LOXHD1: variants seen among roughly 807,000 people sequenced by gnomAD.
LOXHD1 encodes lipoxygenase homology PLAT domains 1.
A neutral mutation model predicts 248.2 loss-of-function variants in LOXHD1; 205 were observed. That is an observed-to-expected ratio of 0.83 (90% CI 0.74 to 0.93). The LOEUF (loss-of-function observed/expected upper bound fraction) is 0.93. LOXHD1 is among the 40% of genes least tolerant of loss of function. LOXHD1 has a pLI of 0.00. For missense variants in LOXHD1, 2,930 were observed against 2,971.6 expected (o/e 0.99, Z 0.33); for synonymous variants, 1,113 against 1,162.8 (o/e 0.96, Z 0.87).
chr18:46,557,386 A>G lies in LOXHD1; in HGVS notation c.3320T>C (p.Ile1107Thr). The G allele has an allele frequency of 1.9e-6, 3 of 1,552,258 alleles. No individual in the cohort carries two copies. Among genetic ancestry groups the G allele is most frequent in the Non-Finnish European group, 2.6e-6 (3 of 1,147,144 alleles). ...GNRAGWFLDR[I>T]DITDMNNEIT... Reference sequence around the variant, plus strand: ...CTCGTTGTTCATGTCAGTAATGTCTATTCTGTCCAGGAACCAGCCTGCTCT... The same window carrying G: ...CTCGTTGTTCATGTCAGTAATGTCTGTTCTGTCCAGGAACCAGCCTGCTCT... The change falls in exon 21 of 41, where the codon ATA becomes ACA. Residue 1107 changes from isoleucine to threonine, a missense_variant. By Grantham distance (89) the Ile-to-Thr change is moderately conservative. Coordinates refer to ENST00000642948, the MANE Select transcript of LOXHD1 (RefSeq NM_001384474.1).
At chr18:46,547,302 C>T (rs1025210552) in intron 21 of LOXHD1, among the ~76,000 whole-genome samples, 1 of 152,126 alleles carries the variant, frequency 6.6e-6, no homozygotes, top group South Asian at 2.1e-4. Context: ...ATGTGACCTG[C>T]CTGGAGCACA....
At chr18:46,611,610 A>G (rs998149134) in intron 5 of LOXHD1, among the ~76,000 whole-genome samples, 2 of 152,146 alleles carry the variant, frequency 1.3e-5, no homozygotes, top group African/African-American at 4.8e-5. Context: ...TGCTGAAACC[A>G]TCCTGTGTTC....
chr18:46,536,345 G>A (rs982210730), intron 26 of LOXHD1, among the ~76,000 whole-genome samples: 2 of 151,926 alleles, frequency 1.3e-5, no homozygotes, highest in African/African-American at 2.4e-5. Context: ...CAGGGTTACC[G>A]ACTCCGCAAT....
chr18:46,592,772 G>A (rs1299054332), intron 10 of LOXHD1, among the ~76,000 whole-genome samples, 188 bp from the exon 11 acceptor site: 3 of 152,142 alleles, frequency 2.0e-5, no homozygotes, highest in Admixed American at 1.3e-4. Flanking sequence ...GAGCACGTGA[G>A]GGCAAGACAG....
chr18:46,541,617 C>G (rs918077688), intron 25 of LOXHD1, among the ~76,000 whole-genome samples, 159 bp downstream of exon 25: 3 of 152,316 alleles, frequency 2.0e-5, no homozygotes. Context: ...CTGCCCACAG[C>G]CCCCACAGAG....
chr18:46,601,510 GCATCATAATATCCCAC>G, intron 7 of LOXHD1, 43 bp from the exon 8 acceptor site: 1 of 1,551,374 alleles, frequency 6.4e-7, no homozygotes, highest in Non-Finnish European at 8.7e-7. Context: ...AATGTGAGCT[GCATCATAATATCCCAC>G]CCCCTCCTCC....
In LOXHD1 at chr18:46,601,278, A is replaced by G. The variant is rs1425003735; in HGVS notation, c.1073T>C (p.Leu358Pro). 1.2e-5 allele frequency: 19 copies of G among 1,551,602 alleles called. No homozygotes were observed. The highest frequency in any genetic ancestry group is 1.5e-5 in the Non-Finnish European group (17 of 1,147,000). The stretch of plus-strand genomic sequence containing the variant: ...GCCATGCCCGACGGAGACCCGACTC[A>G]GGGGGCTAAGGAGGACAGCCAGCTC... ...HIELAVLLSP[L>P]SRVSVGHGNV... The change falls in exon 8 of 41, where the codon CTG (leucine) becomes CCG (proline). Residue 358 changes from leucine (L) to proline (P), a missense_variant. Transcript: ENST00000642948.
chr18:46,645,780 A>G (rs751328141), intron 2 of LOXHD1, among the ~76,000 whole-genome samples: 2 of 152,170 alleles, frequency 1.3e-5, no homozygotes, highest in African/African-American at 2.4e-5. Flanking sequence ...GGAAAAAAAA[A>G]AATCCTAATA....
intron 14 of LOXHD1, 33 bp from the exon 15 acceptor site, chr18:46,572,195 G>C: frequency 6.5e-7 from 1 of 1,531,502 alleles, no homozygotes; most frequent in Non-Finnish European, 8.9e-7. Context: ...TTAGCTCTTT[G>C]GGTGGAGCAG....
rs1246596905 is a variant in LOXHD1 at position 46,641,309 on chromosome 18, G to A, written c.326+647C>T. On this transcript the variant is annotated intron_variant, in intron 3 of 40. Coordinates refer to ENST00000642948, the MANE Select transcript of LOXHD1 (RefSeq NM_001384474.1). Reference sequence around the variant, plus strand: ...GACCACAAATGAACATCTGACAATGGGCATGAACTTGAATAGGGGTGGATG... The same window carrying A: ...GACCACAAATGAACATCTGACAATGAGCATGAACTTGAATAGGGGTGGATG... Among the ~76,000 whole-genome samples, 6 of 152,260 alleles carry A rather than the reference G, an allele frequency of 3.9e-5. No homozygotes were observed. The East Asian group carries it at 5.8e-4, about 15-fold the overall frequency.
Position 46,657,191 on chromosome 18 carries a change from G to T in LOXHD1, c.-158C>A. 1 of 1,195,822 alleles carries T rather than the reference G, an allele frequency of 8.4e-7. No homozygotes were observed. Among genetic ancestry groups the T allele is most frequent in the South Asian group, 1.5e-5 (1 of 66,050 alleles). 74.1% of individuals were successfully genotyped at this position (1,195,822 alleles called of 1,614,324 possible). On this transcript the variant is annotated 5_prime_UTR_variant, in exon 1 of 41. Transcript: ENST00000642948. Reference sequence around the variant, plus strand: ...TGCCCCGTTTTCTTGGCTTCCCCGTGCCCAAGGTGCTGTTCCCTCTGCCTT... The same window carrying T: ...TGCCCCGTTTTCTTGGCTTCCCCGTTCCCAAGGTGCTGTTCCCTCTGCCTT...
rs150145365 is a variant in LOXHD1, at chr18:46,493,346, T to C, written c.5879-4204A>G. 7.2e-5 allele frequency among the ~76,000 whole-genome samples: 11 copies of C among 152,368 alleles called. No individual in the cohort carries two copies. In the East Asian group the frequency reaches 2.1e-3, roughly 29 times the overall value. On this transcript the variant is annotated intron_variant, in intron 37 of 40. Transcript: ENST00000642948. Reference sequence around the variant, plus strand: ...ATCCCCAATTACTTTCTGTCAATAATGATATGTCCACTTCACAATCTGAAA... The same window carrying C: ...ATCCCCAATTACTTTCTGTCAATAACGATATGTCCACTTCACAATCTGAAA...
intron 6 of LOXHD1, among the ~76,000 whole-genome samples, chr18:46,607,822 G>T (rs74731938): frequency 0.072 from 10,961 of 152,052 alleles, 505 homozygotes; most frequent in Non-Finnish European, 0.11. Context: ...GGAAGGTAGA[G>T]AATGGAAATC....
At chr18:46,484,803 T>C (rs2143550326) in intron 39 of LOXHD1, among the ~76,000 whole-genome samples, 1 of 152,238 alleles carries the variant, frequency 6.6e-6, no homozygotes, top group Admixed American at 6.5e-5. Context: ...ATCCACAGGG[T>C]GGGCTCCCAT....
chr18:46,524,883 C>A lies in LOXHD1; in HGVS notation c.4565G>T (p.Gly1522Val). 2 of 1,551,724 alleles carry A rather than the reference C, an allele frequency of 1.3e-6. No homozygotes were observed. The highest frequency in any genetic ancestry group is 1.7e-6 in the Non-Finnish European group (2 of 1,146,994). ...DTFIIEAADL[G>V]VIYKIKLRHD... is the part of the protein sequence containing the mutation. ...GCGGAGCTTGATCTTGTAGATGACG[C>A]CTAGGTCAGCGGCCTCGATGATGAA... Residue 1522 changes from glycine to valine, a missense_variant, in exon 30 of 41, where the codon GGC becomes GTC. By Grantham distance (109) the Gly-to-Val change is moderately radical. Coordinates refer to ENST00000642948, the MANE Select transcript of LOXHD1 (RefSeq NM_001384474.1).
At chr18:46,606,971 G>C (rs778514482) in intron 6 of LOXHD1, among the ~76,000 whole-genome samples, 1 of 151,898 alleles carries the variant, frequency 6.6e-6, no homozygotes, top group Non-Finnish European at 1.5e-5. Flanking sequence ...TTCGAGACCA[G>C]CCTGGTTGAC....
At chr18:46,602,538 C>T (rs141951592) in intron 7 of LOXHD1, among the ~76,000 whole-genome samples, 7 of 152,098 alleles carry the variant, frequency 4.6e-5, no homozygotes, top group Admixed American at 2.0e-4. Context: ...GGGTCTAAGG[C>T]GGTTGTCACT....
intron 1 of LOXHD1, among the ~76,000 whole-genome samples, chr18:46,653,076 G>A (rs71364553): frequency 0.14 from 21,021 of 152,016 alleles, 1,591 homozygotes; most frequent in Middle Eastern, 0.22. Flanking sequence ...GTGAAACCCC[G>A]TCTCTACTAA....
rs1290374103 is a variant in LOXHD1 at position 46,557,452 on chromosome 18, G to C, written c.3254C>G (p.Ala1085Gly). 1.9e-6 allele frequency: 3 copies of C among 1,552,000 alleles called. No individual in the cohort carries two copies. In the Admixed American group the frequency reaches 5.9e-5, roughly 30 times the overall value. Residue 1085 changes from alanine to glycine, a missense_variant, in exon 21 of 41, where the codon GCC (alanine) becomes GGC (glycine). Physicochemically the swap from Ala to Gly is moderately conservative, Grantham distance 60. Transcript: ENST00000642948. ...GTGGCGAATCCGAATCTTGGTCAGG[G>C]CCCCCAGGTCAATGGCATAGATGGT... ...TFTIYAIDLG[A>G]LTKIRIRHDN...
Sources: allele counts gnomAD v4.1 joint callset (sites outside exome capture counted in the v4.1 genomes callset), GRCh38; gene constraint gnomAD v4.1.1; transcripts MANE v1.5; gene names NCBI Gene and HGNC (gene_info 2026-07-23, HGNC 2026-07-21).